The following XKR9 variants were observed in gnomAD, a reference collection of about 807,000 sequenced individuals.
XKR9 encodes XK-related protein 9.
In XKR9, 32 loss-of-function variants were observed where a neutral mutation model predicts 32.0. The ratio of observed to expected loss-of-function variants is 1.00; its 90% CI spans 0.76 to 1.34. The LOEUF (loss-of-function observed/expected upper bound fraction) is 1.34. XKR9 is among the 40% of genes most tolerant of loss of function. The pLI, the probability that XKR9 is intolerant of heterozygous loss-of-function variation, is 0.00. For missense variants in XKR9, 546 were observed against 429.7 expected (o/e 1.27, Z -2.39); for synonymous variants, 168 against 143.4 (o/e 1.17, Z -1.22).
chr8:70,905,109 T>A, the XKR9 span, among the ~76,000 whole-genome samples: 1 of 152,186 alleles, frequency 6.6e-6, no homozygotes, highest in Non-Finnish European at 1.5e-5. Context: ...TTGGAGTTGC[T>A]CTTCTGGAGG....
chr8:70,938,313 G>A, the XKR9 span, among the ~76,000 whole-genome samples: 2 of 151,804 alleles, frequency 1.3e-5, no homozygotes, highest in South Asian at 2.1e-4. Flanking sequence ...CTTAGTGCTC[G>A]AGAAGAGGTT....
the XKR9 span, among the ~76,000 whole-genome samples, chr8:70,892,103 G>T: frequency 3.3e-5 from 5 of 151,964 alleles, no homozygotes; most frequent in East Asian, 9.6e-4. Flanking sequence ...CATTTGCATG[G>T]AATATCTTTT....
At chr8:70,905,315 G>A in the XKR9 span, among the ~76,000 whole-genome samples, 207 of 152,178 alleles carry the variant, frequency 1.4e-3, 1 homozygote, top group African/African-American at 4.3e-3. Flanking sequence ...GGCTTTGTTC[G>A]TTTCTTTTTA....
At chr8:70,749,720 G>A (rs187700711) in intron 2 of XKR9, among the ~76,000 whole-genome samples, 2 of 150,380 alleles carry the variant, frequency 1.3e-5, no homozygotes, top group East Asian at 2.0e-4. Context: ...TGGGTGGAAC[G>A]AACCCAGCAG....
chr8:70,769,987 G>T (rs1258801668), intron 2 of XKR9, among the ~76,000 whole-genome samples: 1 of 152,006 alleles, frequency 6.6e-6, no homozygotes, highest in Non-Finnish European at 1.5e-5. Flanking sequence ...CCTTGCTGGC[G>T]AGGAATTGTG....
chr8:70,926,424 G>A, the XKR9 span, among the ~76,000 whole-genome samples: 1 of 152,176 alleles, frequency 6.6e-6, no homozygotes, highest in Non-Finnish European at 1.5e-5. Context: ...AAGGCTCTGA[G>A]AAGTTCTGCA....
rs964277441 is a variant in XKR9 at position 70,669,385 on chromosome 8, G to A, written c.-514G>A. On this transcript the variant is annotated 5_prime_UTR_variant, in exon 1 of 5. Coordinates refer to ENST00000408926, the MANE Select transcript of XKR9 (RefSeq NM_001011720.2). ...GGGCTGCGCGGGCAGTGGTGGGAAG[G>A]CTGGCGCGAGGCGTGAGGTGGCGTG... is the stretch of plus-strand genomic sequence containing the variant. 8 of 455,966 alleles carry A rather than the reference G, an allele frequency of 1.8e-5. No individual in the cohort carries two copies. Among genetic ancestry groups the A allele is most frequent in the Non-Finnish European group, 2.7e-5 (7 of 254,768 alleles). 28.2% of individuals were successfully genotyped at this position (455,966 alleles called of 1,614,324 possible). A position where few individuals can be genotyped will look rare whatever the true frequency, so the allele number is the denominator to read the frequency against.
the XKR9 span, among the ~76,000 whole-genome samples, chr8:70,869,656 G>T: frequency 6.6e-6 from 1 of 152,088 alleles, no homozygotes; most frequent in African/African-American, 2.4e-5. Flanking sequence ...AAAAATATTT[G>T]TCACCCTTCC....
chr8:70,888,709 A>T, the XKR9 span, among the ~76,000 whole-genome samples: 1 of 151,890 alleles, frequency 6.6e-6, no homozygotes, highest in Non-Finnish European at 1.5e-5. Flanking sequence ...TTTGAAGAGG[A>T]TGTTCATTCC....
the XKR9 span, among the ~76,000 whole-genome samples, chr8:70,813,758 A>C: frequency 3.3e-5 from 5 of 152,222 alleles, no homozygotes; most frequent in Admixed American, 3.3e-4. Flanking sequence ...ATCTCACACC[A>C]GTTAGAATGG....
the XKR9 span, among the ~76,000 whole-genome samples, chr8:70,920,026 A>G: frequency 6.6e-6 from 1 of 152,164 alleles, no homozygotes; most frequent in Non-Finnish European, 1.5e-5. Flanking sequence ...GACGGTCTTG[A>G]CGTAGTTACT....
chr8:71,037,347 G>A, the XKR9 span, among the ~76,000 whole-genome samples: 6 of 151,982 alleles, frequency 3.9e-5, no homozygotes, highest in Non-Finnish European at 5.9e-5. Flanking sequence ...ATATTCTTTA[G>A]GAAACTGAAG....
chr8:70,980,234 C>T, the XKR9 span, among the ~76,000 whole-genome samples: 214 of 152,330 alleles, frequency 1.4e-3, no homozygotes, highest in Non-Finnish European at 2.8e-3. Flanking sequence ...GGTGATGCCC[C>T]GCCCTGCTTT....
the XKR9 span, among the ~76,000 whole-genome samples, chr8:70,809,174 C>T: frequency 1.3e-5 from 2 of 152,210 alleles, no homozygotes; most frequent in Non-Finnish European, 2.9e-5. Context: ...TGCTGATACC[C>T]AGGCAAACAG....
chr8:71,037,760 G>A, the XKR9 span, among the ~76,000 whole-genome samples: 81 of 152,324 alleles, frequency 5.3e-4, no homozygotes, highest in African/African-American at 1.9e-3. Context: ...ATCTTCAGGT[G>A]ATTACAGTAA....
rs35686409 is a variant in XKR9, at chr8:70,735,649, A to T, written c.*1225A>T. The T allele has an allele frequency of 2.2e-4, 26 of 120,312 alleles. No individual in the cohort carries two copies. The highest frequency in any genetic ancestry group is 6.5e-5 in the African/African-American group (2 of 30,880). The allele number at this position is 120,312 out of a possible 1,614,324, so 7.5% of individuals were successfully genotyped here. A position where few individuals can be genotyped will look rare whatever the true frequency, so the allele number is the denominator to read the frequency against. Reference sequence around the variant, plus strand: ...CCACAACAGTCCCCAGAGTGTGATGATCCCCTTCCTGTGTCCATGTGTTCT... The same window carrying T: ...CCACAACAGTCCCCAGAGTGTGATGTTCCCCTTCCTGTGTCCATGTGTTCT... On this transcript the variant is annotated 3_prime_UTR_variant, in exon 5 of 5. Transcript: ENST00000408926.
At chr8:70,878,778 T>C in the XKR9 span, among the ~76,000 whole-genome samples, 3 of 152,172 alleles carry the variant, frequency 2.0e-5, no homozygotes, top group Admixed American at 2.0e-4. Flanking sequence ...TACCCAGGAA[T>C]TGAACTCAAC....
At chr8:70,759,104 GA>G (rs1329240866) in intron 2 of XKR9, among the ~76,000 whole-genome samples, 8 of 152,310 alleles carry the variant, frequency 5.3e-5, no homozygotes, top group African/African-American at 1.9e-4. Flanking sequence ...ACTATACAGG[GA>G]CTTTCAAAAG....
the XKR9 span, among the ~76,000 whole-genome samples, chr8:70,867,110 G>A: frequency 6.6e-6 from 1 of 152,170 alleles, no homozygotes; most frequent in Admixed American, 6.5e-5. Flanking sequence ...TGGCTGGGGA[G>A]GCCTCACAAT....
Sources: gnomAD v4.1 joint callset for allele counts (sites outside exome capture counted in the v4.1 genomes callset) on GRCh38, gnomAD v4.1.1 for gene constraint, MANE v1.5 for transcripts, NCBI Gene and HGNC (gene_info 2026-07-23, HGNC 2026-07-21) for gene names.